Variants in BCAS3 observed in about 807,000 individuals in gnomAD.
BCAS3 encodes the protein BCAS3 microtubule associated cell migration factor, also known as BCAS4/BCAS3 fusion.
Under a neutral mutation model 116.1 loss-of-function variants are expected in BCAS3, and 53 were observed. The ratio of observed to expected loss-of-function variants is 0.46; its 90% CI spans 0.37 to 0.57. BCAS3 has a LOEUF of 0.57. Among genes scored for constraint, BCAS3 ranks in the 20% least tolerant of loss-of-function variants. The pLI is 0.00. For synonymous variants in BCAS3, 391 were observed against 408.2 expected, an observed-to-expected ratio of 0.96 and a Z score of 0.51; for missense variants, 917 against 1,165.4, an observed-to-expected ratio of 0.79 and a Z score of 3.10.
At position 61,104,800 on chromosome 17, in the gene BCAS3, C is replaced by A. The variant is rs1215262360; in HGVS notation, c.2425+20236C>A. Among the ~76,000 whole-genome samples the A allele has an allele frequency of 6.6e-6, 1 of 152,168 alleles. No homozygotes were observed. The highest frequency in any genetic ancestry group is 1.5e-5 in the Non-Finnish European group (1 of 68,032). ...ATTTTACTCAGCAGAGTAACTTTGC[C>A]CAGCCCTGGAGCAGAACATTCTTAA... On this transcript the variant is annotated intron_variant, in intron 22 of 23. Coordinates refer to ENST00000407086, the MANE Select transcript of BCAS3 (RefSeq NM_017679.5). The surrounding 1 kb of genome is among the most constrained non-coding windows in gnomAD (Gnocchi z 4.1).
intron 14 of BCAS3, among the ~76,000 whole-genome samples, chr17:60,984,144 A>G (rs879525613): frequency 1.1e-4 from 16 of 152,226 alleles, no homozygotes; most frequent in South Asian, 2.1e-4. Flanking sequence ...ATGTGTCACA[A>G]TAGTCGAGAT....
rs138516408 is a variant in BCAS3 at position 60,815,625 on chromosome 17, A to G, written c.476+7549A>G. Among the ~76,000 whole-genome samples the G allele has an allele frequency of 2.2e-3, 333 of 152,292 alleles. 5 individuals are homozygous for G. The highest frequency in any genetic ancestry group is 3.5e-3 in the Non-Finnish European group (241 of 68,016). ...TTCCAAAATAATTTAAGTTAATGAG[A>G]CTCAGTTTATAGGCATAAATATAGG... On this transcript the variant is annotated intron_variant, in intron 7 of 23. Coordinates refer to ENST00000407086, the MANE Select transcript of BCAS3 (RefSeq NM_017679.5).
At position 61,171,246 on chromosome 17, in the gene BCAS3, G is replaced by A. The variant is rs2078823560; in HGVS notation, c.2425+86682G>A. Reference sequence around the variant, plus strand: ...AGACTTGGATAAGTTACAAATATATGCTATACATTCTAAAGCAGCCTCTAA... The same window carrying A: ...AGACTTGGATAAGTTACAAATATATACTATACATTCTAAAGCAGCCTCTAA... On this transcript the variant is annotated intron_variant, in intron 22 of 23. Transcript: ENST00000407086. The surrounding 1 kb of genome is among the most constrained non-coding windows in gnomAD (Gnocchi z 4.1). Among the ~76,000 whole-genome samples, 1 of 152,000 alleles carries A rather than the reference G, an allele frequency of 6.6e-6. No individual in the cohort carries two copies. Among genetic ancestry groups the A allele is most frequent in the South Asian group, 2.1e-4 (1 of 4,830 alleles).
chr17:61,347,464 C>T lies in BCAS3; in HGVS notation c.2426-20863C>T, dbSNP rs1267442751. Among the ~76,000 whole-genome samples, 4 of 152,188 alleles carry T rather than the reference C, an allele frequency of 2.6e-5. No individual in the cohort carries two copies. The highest frequency in any genetic ancestry group is 7.2e-5 in the African/African-American group (3 of 41,452). On this transcript the variant is annotated intron_variant, in intron 22 of 23. Transcript: ENST00000407086. The surrounding 1 kb of genome is among the most constrained non-coding windows in gnomAD (Gnocchi z 4.3). ...AAGTTAAACAACCTTGATTTCTTCC[C>T]TCCCTTCTTCCTGCTAGGTGCCAGG...
intron 22 of BCAS3, among the ~76,000 whole-genome samples, chr17:61,253,152 A>G (rs912594931): frequency 6.6e-6 from 1 of 151,664 alleles, no homozygotes; most frequent in African/African-American, 2.4e-5. Context: ...CTGGGATTAC[A>G]GGCATGAGCC....
chr17:60,956,886 C>T lies in BCAS3; in HGVS notation c.1221+9534C>T, dbSNP rs1156734911. On this transcript the variant is annotated intron_variant, in intron 14 of 23. Coordinates refer to ENST00000407086, the MANE Select transcript of BCAS3 (RefSeq NM_017679.5). This position sits in a 1 kb window ranked among gnomAD's most constrained non-coding sequence, Gnocchi z 4.2. Reference sequence around the variant, plus strand: ...CTATATGTCACATGATCTGTTTGGCCCTCTTTGAGTACTACAAAAGCATGT... The same window carrying T: ...CTATATGTCACATGATCTGTTTGGCTCTCTTTGAGTACTACAAAAGCATGT... Among the ~76,000 whole-genome samples the T allele has an allele frequency of 1.3e-5, 2 of 151,930 alleles. No homozygotes were observed. Among genetic ancestry groups the T allele is most frequent in the African/African-American group, 4.8e-5 (2 of 41,360 alleles).
rs916236139 is a variant in BCAS3, at chr17:60,731,615, A to AT, written c.322-15575dup. On this transcript the variant is annotated intron_variant, in intron 5 of 23. Coordinates refer to ENST00000407086, the MANE Select transcript of BCAS3 (RefSeq NM_017679.5). ...TGTATATTTTTACCTTTTATCCTTG[A>AT]TTTTTTTTCTTCCTATTATGGAAGA... Among the ~76,000 whole-genome samples the AT allele has an allele frequency of 3.3e-5, 5 of 151,590 alleles. No individual in the cohort carries two copies. In the East Asian group the frequency reaches 5.8e-4, roughly 18 times the overall value.
At chr17:61,257,795 TA>T (rs1297086339) in intron 22 of BCAS3, among the ~76,000 whole-genome samples, 3 of 152,218 alleles carry the variant, frequency 2.0e-5, no homozygotes, top group African/African-American at 7.2e-5. Context: ...ATGTGAATGG[TA>T]AACCAGCTCA....
chr17:60,699,841 C>T (rs1363490128), intron 4 of BCAS3, among the ~76,000 whole-genome samples: 11 of 137,952 alleles, frequency 8.0e-5, no homozygotes, highest in Middle Eastern at 4.0e-3. Flanking sequence ...CCAGCCTGGG[C>T]GACAGAGCAA....
At position 60,956,242 on chromosome 17, in the gene BCAS3, A is replaced by G. The variant is rs2061126195; in HGVS notation, c.1221+8890A>G. On this transcript the variant is annotated intron_variant, in intron 14 of 23. Coordinates refer to ENST00000407086, the MANE Select transcript of BCAS3 (RefSeq NM_017679.5). The surrounding 1 kb of genome is among the most constrained non-coding windows in gnomAD (Gnocchi z 4.2). ...AACTTGGTGTCTGTGTCCTTTTGAC[A>G]TATCTTCACCACTTTCTGAGCTTGT... Among the ~76,000 whole-genome samples the G allele has an allele frequency of 6.6e-6, 1 of 152,216 alleles. No individual in the cohort carries two copies. Among genetic ancestry groups the G allele is most frequent in the African/African-American group, 2.4e-5 (1 of 41,468 alleles).
chr17:61,032,244 A>G lies in BCAS3; in HGVS notation c.1638-2422A>G, dbSNP rs1021872885. Among the ~76,000 whole-genome samples, 3 of 152,104 alleles carry G rather than the reference A, an allele frequency of 2.0e-5. No homozygotes were observed. Among genetic ancestry groups the G allele is most frequent in the Admixed American group, 6.6e-5 (1 of 15,264 alleles). On this transcript the variant is annotated intron_variant, in intron 16 of 23. Coordinates refer to ENST00000407086, the MANE Select transcript of BCAS3 (RefSeq NM_017679.5). The surrounding 1 kb of genome is among the most constrained non-coding windows in gnomAD (Gnocchi z 4.6). ...ACCACATGATTTAAAAACAACAACA[A>G]TGACATCCAGTAATTTGCAAAGAGC...
chr17:60,811,948 G>A (rs1428048634), intron 7 of BCAS3, among the ~76,000 whole-genome samples: 1 of 152,160 alleles, frequency 6.6e-6, no homozygotes, highest in East Asian at 1.9e-4. Flanking sequence ...AGCTACTTGG[G>A]AGGCTGAGGT....
chr17:61,004,148 C>G lies in BCAS3; in HGVS notation c.1487-11603C>G, dbSNP rs2145488515. ...TTGCATTTGATTATTGTCTTACTTC[C>G]CTAGTTAGGAGGACAGTTAAGTAAG... On this transcript the variant is annotated intron_variant, in intron 15 of 23. Coordinates refer to ENST00000407086, the MANE Select transcript of BCAS3 (RefSeq NM_017679.5). The surrounding 1 kb of genome is among the most constrained non-coding windows in gnomAD (Gnocchi z 4.8). Among the ~76,000 whole-genome samples, 1 of 152,092 alleles carries G rather than the reference C, an allele frequency of 6.6e-6. No individual in the cohort carries two copies. Among genetic ancestry groups the G allele is most frequent in the East Asian group, 1.9e-4 (1 of 5,174 alleles).
At chr17:61,312,408 C>T (rs760047792) in intron 22 of BCAS3, among the ~76,000 whole-genome samples, 11 of 152,146 alleles carry the variant, frequency 7.2e-5, no homozygotes, top group Non-Finnish European at 1.2e-4. Flanking sequence ...GTTGGCACAC[C>T]GCAAATTGAC....
rs1190390819 is a variant in BCAS3 at position 61,343,019 on chromosome 17, T to C, written c.2426-25308T>C. ...CACCCACCTCGGCCTCCCAAAGTGC[T>C]GGGATTACAGGCGTGAGCCACTGAG... On this transcript the variant is annotated intron_variant, in intron 22 of 23. Transcript: ENST00000407086. This position sits in a 1 kb window ranked among gnomAD's most constrained non-coding sequence, Gnocchi z 5.5. 6.6e-6 allele frequency among the ~76,000 whole-genome samples: 1 copy of C among 152,240 alleles called. No homozygotes were observed. The highest frequency in any genetic ancestry group is 1.9e-4 in the East Asian group (1 of 5,194).
chr17:61,051,397 A>C lies in BCAS3; in HGVS notation c.2029+10505A>C, dbSNP rs2068844054. Among the ~76,000 whole-genome samples, 1 of 149,664 alleles carries C rather than the reference A, an allele frequency of 6.7e-6. No homozygotes were observed. Among genetic ancestry groups the C allele is most frequent in the South Asian group, 2.1e-4 (1 of 4,776 alleles). ...ATTGTAGTGGAGGTTACACCAATTT[A>C]CACATGTGATAAAATTGAATAGACC... On this transcript the variant is annotated intron_variant, in intron 19 of 23. Coordinates refer to ENST00000407086, the MANE Select transcript of BCAS3 (RefSeq NM_017679.5). This position sits in a 1 kb window ranked among gnomAD's most constrained non-coding sequence, Gnocchi z 4.1.
intron 14 of BCAS3, among the ~76,000 whole-genome samples, chr17:60,974,646 A>G (rs1436118779): frequency 2.0e-5 from 3 of 152,198 alleles, no homozygotes; most frequent in Non-Finnish European, 4.4e-5. Context: ...TATCATTATA[A>G]TGAGAAATGT....
intron 22 of BCAS3, among the ~76,000 whole-genome samples, chr17:61,178,619 T>C (rs1173568493): frequency 6.6e-6 from 1 of 152,236 alleles, no homozygotes; most frequent in Non-Finnish European, 1.5e-5. Flanking sequence ...GTCATTGTTA[T>C]CTAATTCATT....
intron 19 of BCAS3, among the ~76,000 whole-genome samples, chr17:61,042,186 G>A (rs1177291789): frequency 2.0e-5 from 3 of 151,954 alleles, no homozygotes; most frequent in Non-Finnish European, 2.9e-5. Context: ...ACATGAATAT[G>A]ATATGAAATA....
Sources: gnomAD v4.1 joint callset for allele counts (sites outside exome capture counted in the v4.1 genomes callset) on GRCh38, gnomAD v4.1.1 for gene constraint, Gnocchi (gnomAD v3.1) non-coding constraint, MANE v1.5 for transcripts, NCBI Gene and HGNC (gene_info 2026-07-23, HGNC 2026-07-21) for gene names.